The following SLC16A12 variants were observed in gnomAD, a reference collection of about 807,000 sequenced individuals.
SLC16A12 encodes solute carrier family 16 member 12, also known as monocarboxylate transporter 12.
Under a neutral mutation model 42.4 loss-of-function variants are expected in SLC16A12, and 17 were observed. That is an observed-to-expected ratio of 0.40 (90% CI 0.27 to 0.60). The LOEUF (loss-of-function observed/expected upper bound fraction) is 0.60, where lower values mean the gene tolerates loss of function less well. SLC16A12 is among the 20% of genes least tolerant of loss of function. SLC16A12 has a pLI of 0.42. For missense variants in SLC16A12, 544 were observed against 623.0 expected, an observed-to-expected ratio of 0.87 and a Z score of 1.35; for synonymous variants, 224 against 229.4, an observed-to-expected ratio of 0.98 and a Z score of 0.21.
intron 2 of SLC16A12, among the ~76,000 whole-genome samples, chr10:89,540,674 G>A (rs1432603621): frequency 6.6e-6 from 1 of 152,130 alleles, no homozygotes; most frequent in Non-Finnish European, 1.5e-5. Context: ...TAAAATATCA[G>A]GAACTCAAGT....
chr10:89,532,308 A>G (rs554257669), intron 2 of SLC16A12, among the ~76,000 whole-genome samples: 1 of 152,038 alleles, frequency 6.6e-6, no homozygotes, highest in African/African-American at 2.4e-5. Context: ...AAAATCAGCT[A>G]CTCCAGGTGC....
At chr10:89,440,145 G>A (rs931518126) in intron 5 of SLC16A12, among the ~76,000 whole-genome samples, 3 of 150,632 alleles carry the variant, frequency 2.0e-5, no homozygotes, top group Non-Finnish European at 4.4e-5. Context: ...CTGAGGGGCT[G>A]TGAGCCTGGA....
chr10:89,496,931 A>C (rs1172963173), intron 2 of SLC16A12, among the ~76,000 whole-genome samples: 1 of 152,232 alleles, frequency 6.6e-6, no homozygotes, highest in Non-Finnish European at 1.5e-5. Flanking sequence ...CAATAGAAAA[A>C]GGACTTTGAC....
chr10:89,471,271 C>T (rs1224310516), intron 2 of SLC16A12, among the ~76,000 whole-genome samples: 1 of 152,180 alleles, frequency 6.6e-6, no homozygotes, highest in Non-Finnish European at 1.5e-5. Flanking sequence ...TCTTCACCAA[C>T]CCTGGCACCA....
intron 2 of SLC16A12, among the ~76,000 whole-genome samples, chr10:89,489,197 G>T (rs1238622041): frequency 4.6e-5 from 7 of 152,016 alleles, no homozygotes; most frequent in Admixed American, 4.6e-4. Context: ...TGCCCAATTT[G>T]GTCGTGAATA....
At chr10:89,525,600 T>A (rs924165875) in intron 2 of SLC16A12, among the ~76,000 whole-genome samples, 1 of 152,226 alleles carries the variant, frequency 6.6e-6, no homozygotes, top group African/African-American at 2.4e-5. Flanking sequence ...TTAACAAGTA[T>A]CTTATTTATG....
At chr10:89,468,542 T>C (rs975157360) in intron 2 of SLC16A12, among the ~76,000 whole-genome samples, 1 of 152,196 alleles carries the variant, frequency 6.6e-6, no homozygotes, top group African/African-American at 2.4e-5. Flanking sequence ...TACTAACGCT[T>C]AAGCACCATT....
At chr10:89,507,264 C>A (rs1332746512) in intron 2 of SLC16A12, among the ~76,000 whole-genome samples, 1 of 151,926 alleles carries the variant, frequency 6.6e-6, no homozygotes, top group Non-Finnish European at 1.5e-5. Flanking sequence ...CCCCAAAACA[C>A]AAAATCATCA....
In SLC16A12 at chr10:89,432,809, AC is replaced by A. The variant is rs1841713512; in HGVS notation, c.*254del. 1 of 440,892 alleles carries A rather than the reference AC, an allele frequency of 2.3e-6. No individual in the cohort carries two copies. Among genetic ancestry groups the A allele is most frequent in the African/African-American group, 2.0e-5 (1 of 50,390 alleles). The allele number at this position is 440,892 out of a possible 1,614,324, so 27.3% of individuals were successfully genotyped here. A position where few individuals can be genotyped will look rare whatever the true frequency, so the allele number is the denominator to read the frequency against. ...TATCAGCTGTGTCCTTACATTTCTT[AC>A]AGAGCTATGCCCATTGACCAAAAGA... is the stretch of plus-strand genomic sequence containing the variant. On this transcript the variant is annotated 3_prime_UTR_variant, in exon 8 of 8. Transcript: ENST00000371790.
At chr10:89,540,913 C>CT (rs974805472) in intron 2 of SLC16A12, among the ~76,000 whole-genome samples, 2,633 of 142,254 alleles carry the variant, frequency 0.019, 49 homozygotes, top group African/African-American at 0.052. Flanking sequence ...AAGCAAATTT[C>CT]TTTTTTTTTT....
At chr10:89,446,937 A>G (rs1842014126) in intron 3 of SLC16A12, among the ~76,000 whole-genome samples, 1 of 152,176 alleles carries the variant, frequency 6.6e-6, no homozygotes, top group Non-Finnish European at 1.5e-5. Flanking sequence ...TGGAAAGCAA[A>G]AAAAAAGCAG....
At chr10:89,512,638 A>C (rs1843181715) in intron 2 of SLC16A12, among the ~76,000 whole-genome samples, 1 of 152,256 alleles carries the variant, frequency 6.6e-6, no homozygotes, top group Non-Finnish European at 1.5e-5. Context: ...CCAAAGGTCC[A>C]GTAAGAGAGA....
intron 2 of SLC16A12, chr10:89,463,206 T>C (rs1842331801): frequency 6.6e-6 from 1 of 152,250 alleles, no homozygotes; most frequent in East Asian, 1.9e-4. Context: ...TGTGTCTCTG[T>C]ATATAAGCTG....
intron 2 of SLC16A12, among the ~76,000 whole-genome samples, chr10:89,515,103 GCAAAACAAAACAAAA>G (rs71942300): frequency 2.9e-5 from 4 of 140,086 alleles, no homozygotes; most frequent in South Asian, 2.2e-4. Context: ...AAAAAAAGAA[GCAAAACAAAACAAAA>G]CAAAACAAAA....
At chr10:89,440,073 CAAAAAAAAAAA>C (rs10674171) in intron 5 of SLC16A12, among the ~76,000 whole-genome samples, 2 of 31,454 alleles carry the variant, frequency 6.4e-5, no homozygotes, top group South Asian at 2.0e-3. Flanking sequence ...GACCCTGTCT[CAAAAAAAAAAA>C]AAAAAAAAAA....
At chr10:89,518,455 T>C (rs1042621552) in intron 2 of SLC16A12, among the ~76,000 whole-genome samples, 4 of 152,050 alleles carry the variant, frequency 2.6e-5, no homozygotes, top group Non-Finnish European at 5.9e-5. Context: ...AATTTGTACA[T>C]GCAAGGAAGT....
At chr10:89,505,934 G>A (rs181840620) in intron 2 of SLC16A12, among the ~76,000 whole-genome samples, 11 of 152,254 alleles carry the variant, frequency 7.2e-5, no homozygotes, top group East Asian at 1.9e-4. Context: ...TTCAGTAGGC[G>A]GTATTATGCT....
intron 2 of SLC16A12, among the ~76,000 whole-genome samples, chr10:89,469,128 T>C (rs117749994): frequency 0.021 from 3,139 of 152,230 alleles, 34 homozygotes; most frequent in Non-Finnish European, 0.032. Context: ...AGGAAGCATT[T>C]ACCATCTTGC....
At position 89,438,732 on chromosome 10, in the gene SLC16A12, G is replaced by T. The variant is rs1346235632; in HGVS notation, c.900C>A (p.Leu300=). The T allele has an allele frequency of 1.2e-6, 2 of 1,614,162 alleles. No homozygotes were observed. The highest frequency in any genetic ancestry group is 1.7e-6 in the Non-Finnish European group (2 of 1,180,024). Residue 300 remains leucine, a synonymous_variant, in exon 6 of 8, where the codon CTC becomes CTA. Transcript: ENST00000371790. ...AAGCATAAGGCACCAAGTACACAAA[G>T]AGAGGGCTGCAGCCATAAGCCATAA... is the stretch of plus-strand genomic sequence containing the variant. The part of the protein sequence containing the change: ...VLFMAYGCSP[L]FVYLVPYALS...
Sources: gnomAD v4.1 joint callset for allele counts (sites outside exome capture counted in the v4.1 genomes callset) on GRCh38, gnomAD v4.1.1 for gene constraint, MANE v1.5 for transcripts, NCBI Gene and HGNC (gene_info 2026-07-23, HGNC 2026-07-21) for gene names.